The following ADGRV1 variants were observed in gnomAD, a reference collection of about 807,000 sequenced individuals.
ADGRV1 encodes the protein adhesion G protein-coupled receptor V1.
Under a neutral mutation model 596.2 loss-of-function variants are expected in ADGRV1, and 359 were observed. The observed-to-expected ratio is 0.60, with a 90% confidence interval of 0.55 to 0.66. The LOEUF is 0.66. Ranked by LOEUF, ADGRV1 falls within the 30% of genes least tolerant of loss-of-function variation. The pLI is 0.00. For synonymous variants in ADGRV1, 2,681 were observed against 2,679.2 expected, an observed-to-expected ratio of 1.00 and a Z score of -0.02; for missense variants, 7,274 against 7,575.6, an observed-to-expected ratio of 0.96 and a Z score of 1.48.
chr5:90,936,867 T>C (rs1360115880), intron 83 of ADGRV1, among the ~76,000 whole-genome samples: 1 of 152,162 alleles, frequency 6.6e-6, no homozygotes, highest in African/African-American at 2.4e-5. Flanking sequence ...TTTAATAATA[T>C]TGGATAAAAA....
intron 85 of ADGRV1, among the ~76,000 whole-genome samples, chr5:91,057,076 A>G (rs533549875): frequency 1.9e-4 from 29 of 152,184 alleles, no homozygotes; most frequent in Non-Finnish European, 3.7e-4. Flanking sequence ...TACCAACCTA[A>G]TATTTTCTCC....
rs371437128 is a variant in ADGRV1 at position 90,763,283 on chromosome 5, T to G, written c.12121-22T>G. 8.8e-6 allele frequency: 13 copies of G among 1,472,788 alleles called. No individual in the cohort carries two copies. The African/African-American group carries it at 1.5e-4, about 17-fold the overall frequency. The allele number at this position is 1,472,788 out of a possible 1,614,324, so 91.2% of individuals were successfully genotyped here. On this transcript the variant is annotated intron_variant, in intron 58 of 89. Coordinates refer to ENST00000405460, the MANE Select transcript of ADGRV1 (RefSeq NM_032119.4). ...TTTTTGTTTTTTTTTTTGTTTGGCC[T>G]TACTGAATTTTCTTCTTTCAGGTAA... is the stretch of plus-strand genomic sequence containing the variant.
At chr5:90,888,989 T>C (rs1411255387) in intron 83 of ADGRV1, among the ~76,000 whole-genome samples, 4 of 152,142 alleles carry the variant, frequency 2.6e-5, no homozygotes, top group Non-Finnish European at 4.4e-5. Flanking sequence ...AAATCTTGGA[T>C]TGTGGCCTTC....
intron 88 of ADGRV1, among the ~76,000 whole-genome samples, chr5:91,151,777 T>A (rs1006261486): frequency 5.3e-5 from 8 of 152,226 alleles, no homozygotes; most frequent in African/African-American, 1.9e-4. Context: ...CAGCCACATG[T>A]GTTTGGTAGC....
intron 83 of ADGRV1, among the ~76,000 whole-genome samples, chr5:90,875,408 G>A (rs563870006): frequency 6.6e-6 from 1 of 152,298 alleles, no homozygotes; most frequent in Non-Finnish European, 1.5e-5. Flanking sequence ...CTGTCTGACT[G>A]TTCTGGATCC....
At chr5:90,983,840 C>T (rs1453985692) in intron 84 of ADGRV1, among the ~76,000 whole-genome samples, 3 of 152,102 alleles carry the variant, frequency 2.0e-5, no homozygotes, top group Non-Finnish European at 4.4e-5. Context: ...CATTTTTATC[C>T]TTCCCTGGTT....
intron 50 of ADGRV1, among the ~76,000 whole-genome samples, chr5:90,733,715 A>T (rs959657344): frequency 6.6e-6 from 1 of 152,216 alleles, no homozygotes; most frequent in Non-Finnish European, 1.5e-5. Context: ...TGATGTTTTG[A>T]TAAATGTATA....
chr5:90,804,006 G>T (rs184909647), intron 71 of ADGRV1, among the ~76,000 whole-genome samples: 1 of 152,088 alleles, frequency 6.6e-6, no homozygotes, highest in Non-Finnish European at 1.5e-5. Flanking sequence ...GTGTGTGCAC[G>T]CATGTGTGTG....
intron 6 of ADGRV1, chr5:90,626,308 G>A (rs1209934214): frequency 6.6e-6 from 1 of 152,026 alleles, no homozygotes; most frequent in East Asian, 1.9e-4. Context: ...CTCTGGTTCT[G>A]GAAGCAAGCA....
At chr5:90,631,617 G>A (rs981836115) in intron 9 of ADGRV1, among the ~76,000 whole-genome samples, 2 of 152,146 alleles carry the variant, frequency 1.3e-5, no homozygotes, top group African/African-American at 2.4e-5. Flanking sequence ...TTCTGCCTGT[G>A]AGGATAACTT....
At chr5:91,153,703 G>A (rs1008134453) in intron 89 of ADGRV1, among the ~76,000 whole-genome samples, 4 of 152,234 alleles carry the variant, frequency 2.6e-5, no homozygotes, top group African/African-American at 7.2e-5. Context: ...ACAGTCGATA[G>A]GGATCTCACT....
intron 21 of ADGRV1, among the ~76,000 whole-genome samples, chr5:90,669,556 T>G (rs2149526829): frequency 6.6e-6 from 1 of 152,360 alleles, no homozygotes; most frequent in East Asian, 1.9e-4. Context: ...GCATATTATC[T>G]TTAAAAAACT....
At chr5:90,783,765 T>TG in intron 66 of ADGRV1, 73 bp from the exon 67 acceptor site, 1 of 1,167,364 alleles carries the variant, frequency 8.6e-7, no homozygotes. Context: ...ATTTGGAAAA[T>TG]GACTGGTTAT....
chr5:91,016,504 T>C (rs1783186472), intron 85 of ADGRV1, among the ~76,000 whole-genome samples: 1 of 151,888 alleles, frequency 6.6e-6, no homozygotes, highest in Non-Finnish European at 1.5e-5. Context: ...ACTTTGGAGG[T>C]AGGGGAAATG....
At chr5:91,047,583 C>T (rs1407599000) in intron 85 of ADGRV1, among the ~76,000 whole-genome samples, 1 of 152,150 alleles carries the variant, frequency 6.6e-6, no homozygotes, top group Non-Finnish European at 1.5e-5. Flanking sequence ...AGATTGTGCC[C>T]ACCCAGATGA....
chr5:91,102,473 T>A, intron 87 of ADGRV1, 133 bp downstream of exon 87: 1 of 650,662 alleles, frequency 1.5e-6, no homozygotes, highest in Non-Finnish European at 2.3e-6. Flanking sequence ...TATAGAGTTG[T>A]AAAATAAAAT....
intron 2 of ADGRV1, 62 bp downstream of exon 2, chr5:90,615,081 G>T: frequency 9.2e-7 from 1 of 1,091,316 alleles, no homozygotes; most frequent in South Asian, 2.2e-5. Context: ...AGTTTTAATG[G>T]CAAGGATTTT....
At position 90,927,386 on chromosome 5, in the gene ADGRV1, T is replaced by C. The variant is rs534423495; in HGVS notation, c.17857-38029T>C. Among the ~76,000 whole-genome samples the C allele has an allele frequency of 3.3e-5, 5 of 152,340 alleles. No individual in the cohort carries two copies. In the East Asian group the frequency reaches 9.6e-4, roughly 29 times the overall value. On this transcript the variant is annotated intron_variant, in intron 83 of 89. Transcript: ENST00000405460. ...TTGAATTGATCCCTTTACCATTATG[T>C]AATGGCATTCTTTGTCTCTTTTGAT... is the stretch of plus-strand genomic sequence containing the variant.
rs1460710562 is a variant in ADGRV1 at position 90,925,629 on chromosome 5, C to G, written c.17857-39786C>G. On this transcript the variant is annotated intron_variant, in intron 83 of 89. Transcript: ENST00000405460. ...CTAACTGAATACCCTTTATTTCCTT[C>G]TCCTGCCTAATTGCCCTGGCCAGAA... Among the ~76,000 whole-genome samples, 3 of 149,914 alleles carry G rather than the reference C, an allele frequency of 2.0e-5. No homozygotes were observed. The East Asian group carries it at 5.9e-4, about 30-fold the overall frequency.
Sources: gnomAD v4.1 joint callset for allele counts (sites outside exome capture counted in the v4.1 genomes callset) on GRCh38, gnomAD v4.1.1 for gene constraint, MANE v1.5 for transcripts, NCBI Gene and HGNC (gene_info 2026-07-23, HGNC 2026-07-21) for gene names.